Variants in CNTNAP5 observed in about 807,000 individuals in gnomAD.
CNTNAP5 encodes contactin-associated protein-like 5.
In CNTNAP5, 72 loss-of-function variants were observed where a neutral mutation model predicts 150.2. That is an observed-to-expected ratio of 0.48 (90% confidence interval 0.40 to 0.58). CNTNAP5 has a LOEUF of 0.58. Among genes scored for constraint, CNTNAP5 ranks in the 20% least tolerant of loss-of-function variants. CNTNAP5 has a pLI of 0.00. For missense variants in CNTNAP5, 1,636 were observed against 1,626.2 expected, an observed-to-expected ratio of 1.01 and a Z score of -0.10; for synonymous variants, 672 against 619.8, an observed-to-expected ratio of 1.08 and a Z score of -1.25.
intron 7 of CNTNAP5, 73 bp from the exon 8 acceptor site, chr2:124,504,219 G>C (rs577709085): frequency 1.9e-5 from 28 of 1,443,154 alleles, no homozygotes; most frequent in Admixed American, 3.5e-5. Flanking sequence ...AGCTCCAGGT[G>C]GTTGTTTATA....
At chr2:124,427,610 G>T (rs7577588) in intron 4 of CNTNAP5, among the ~76,000 whole-genome samples, 2 of 151,566 alleles carry the variant, frequency 1.3e-5, no homozygotes, top group African/African-American at 4.9e-5. Context: ...GTGCCCACAA[G>T]GACGCCCGGC....
intron 13 of CNTNAP5, among the ~76,000 whole-genome samples, chr2:124,653,365 G>T: frequency 6.6e-6 from 1 of 151,240 alleles, no homozygotes; most frequent in East Asian, 1.9e-4. Context: ...ATAATACATA[G>T]TATATAGTAT....
chr2:124,871,666 C>CT (rs1419419924), intron 21 of CNTNAP5, among the ~76,000 whole-genome samples: 14 of 152,150 alleles, frequency 9.2e-5, no homozygotes, highest in African/African-American at 3.4e-4. Context: ...CGCTGTCCAT[C>CT]TGTCCTGCTA....
chr2:124,811,905 G>A (rs1361642128), intron 19 of CNTNAP5, among the ~76,000 whole-genome samples: 15 of 138,912 alleles, frequency 1.1e-4, no homozygotes, highest in African/African-American at 3.0e-4. Context: ...TTGTGCCACC[G>A]CACTCCAGCC....
intron 21 of CNTNAP5, among the ~76,000 whole-genome samples, chr2:124,895,821 G>A (rs540379134): frequency 2.0e-5 from 3 of 151,612 alleles, no homozygotes; most frequent in Admixed American, 1.3e-4. Flanking sequence ...GTGGGAGGAG[G>A]GAGGGGTGCT....
intron 11 of CNTNAP5, among the ~76,000 whole-genome samples, chr2:124,577,577 T>G (rs1180726662): frequency 6.6e-6 from 1 of 152,220 alleles, no homozygotes; most frequent in Non-Finnish European, 1.5e-5. Flanking sequence ...GTCTGCTTCC[T>G]GTTCTCAAGG....
At chr2:124,590,783 C>T (rs962233524) in intron 11 of CNTNAP5, among the ~76,000 whole-genome samples, 1 of 152,172 alleles carries the variant, frequency 6.6e-6, no homozygotes, top group Non-Finnish European at 1.5e-5. Flanking sequence ...AGCTTCTTGT[C>T]TATTTCTATA....
chr2:124,392,687 C>CAAAAAAAAAAAA (rs35107442), intron 3 of CNTNAP5, among the ~76,000 whole-genome samples: 1 of 68,786 alleles, frequency 1.5e-5, no homozygotes, highest in South Asian at 7.4e-4. Flanking sequence ...TTTTCTTTGC[C>CAAAAAAAAAAAA]AAAAAAAAAA....
At chr2:124,390,870 A>G (rs1262889488) in intron 3 of CNTNAP5, among the ~76,000 whole-genome samples, 1 of 152,230 alleles carries the variant, frequency 6.6e-6, no homozygotes, top group Non-Finnish European at 1.5e-5. Context: ...AGGAAGAGGT[A>G]CCTACTTTCC....
At chr2:124,705,043 A>T (rs983009986) in intron 13 of CNTNAP5, among the ~76,000 whole-genome samples, 7 of 146,316 alleles carry the variant, frequency 4.8e-5, no homozygotes, top group Non-Finnish European at 7.7e-5. Context: ...TTTTCTTAGT[A>T]CTTTCCACTT....
At chr2:124,904,163 C>T (rs192227381) in intron 22 of CNTNAP5, among the ~76,000 whole-genome samples, 96 of 151,686 alleles carry the variant, frequency 6.3e-4, no homozygotes, top group Admixed American at 1.8e-3. Flanking sequence ...TCCTGACAAC[C>T]GCCGTTCTCT....
intron 13 of CNTNAP5, among the ~76,000 whole-genome samples, chr2:124,667,065 G>T (rs1678716856): frequency 6.6e-6 from 1 of 152,194 alleles, no homozygotes; most frequent in Non-Finnish European, 1.5e-5. Flanking sequence ...GAGATGGGTA[G>T]AAGTCCATTG....
At chr2:124,254,761 G>T (rs151193731) in intron 3 of CNTNAP5, among the ~76,000 whole-genome samples, 9 of 152,258 alleles carry the variant, frequency 5.9e-5, no homozygotes, top group African/African-American at 1.9e-4. Context: ...ATCTCTTCTT[G>T]CAACACTAAG....
rs138395981 is a variant in CNTNAP5 at position 124,904,624 on chromosome 2, A to C, written c.3655+1524A>C. ...GCAAAATTTCCAAAAATGCATAATGAAGAAAATGTTGCTTATTCAATAAAT... is the reference window on the plus strand; with the variant it reads ...GCAAAATTTCCAAAAATGCATAATGCAGAAAATGTTGCTTATTCAATAAAT... On this transcript the variant is annotated intron_variant, in intron 22 of 23. Transcript: ENST00000682447. Among the ~76,000 whole-genome samples the C allele has an allele frequency of 2.5e-3, 385 of 152,300 alleles. 2 individuals are homozygous for C. Among genetic ancestry groups the C allele is most frequent in the African/African-American group, 8.8e-3 (366 of 41,582 alleles).
At chr2:124,511,153 T>G (rs1408971379) in intron 8 of CNTNAP5, among the ~76,000 whole-genome samples, 2 of 152,166 alleles carry the variant, frequency 1.3e-5, no homozygotes, top group Non-Finnish European at 2.9e-5. Context: ...CCTGAATTAC[T>G]AAGAAAACAG....
At chr2:124,831,436 T>G (rs1365475931) in intron 19 of CNTNAP5, among the ~76,000 whole-genome samples, 1 of 151,886 alleles carries the variant, frequency 6.6e-6, no homozygotes, top group Non-Finnish European at 1.5e-5. Context: ...TCTTGTTTCA[T>G]GAATAACCAC....
At chr2:124,387,076 A>G (rs940381287) in intron 3 of CNTNAP5, among the ~76,000 whole-genome samples, 3 of 152,212 alleles carry the variant, frequency 2.0e-5, no homozygotes, top group Non-Finnish European at 4.4e-5. Context: ...CAGATTGCCA[A>G]TGTCCAAAAC....
chr2:124,816,219 G>A (rs1268374657), intron 19 of CNTNAP5, among the ~76,000 whole-genome samples: 1 of 152,176 alleles, frequency 6.6e-6, no homozygotes, highest in Non-Finnish European at 1.5e-5. Flanking sequence ...TGGGTCAAGA[G>A]TCCAATCACC....
chr2:124,676,298 G>GT (rs1288603670), intron 13 of CNTNAP5, among the ~76,000 whole-genome samples: 4 of 152,084 alleles, frequency 2.6e-5, no homozygotes, highest in Admixed American at 1.3e-4. Context: ...AGAAACTAAG[G>GT]TTTTTTTGGT....
Sources: gnomAD v4.1 joint callset for allele counts (sites outside exome capture counted in the v4.1 genomes callset) on GRCh38, gnomAD v4.1.1 for gene constraint, MANE v1.5 for transcripts, NCBI Gene and HGNC (gene_info 2026-07-23, HGNC 2026-07-21) for gene names.